NEK5: variants seen among roughly 807,000 people sequenced by gnomAD.
NEK5 encodes the protein serine/threonine-protein kinase Nek5.
A neutral mutation model predicts 109.2 loss-of-function variants in NEK5; 88 were observed. That is an observed-to-expected ratio of 0.81 (90% CI 0.68 to 0.96). The LOEUF (loss-of-function observed/expected upper bound fraction) is 0.96. Among genes scored for constraint, NEK5 ranks in the 40% least tolerant of loss-of-function variants. The probability of loss-of-function intolerance (pLI) is 0.00; values close to 1 mark genes in which losing one functional copy is unlikely to be tolerated. For missense variants in NEK5, 834 were observed against 920.7 expected (o/e 0.91, Z 1.22); for synonymous variants, 283 against 299.9 (o/e 0.94, Z 0.58).
chr13:52,080,069 G>C (rs181559995), intron 17 of NEK5, among the ~76,000 whole-genome samples: 1,978 of 149,734 alleles, frequency 0.013, 25 homozygotes, highest in Non-Finnish European at 0.019. Context: ...CCCGGCAGCC[G>C]CCCGGTCTGA....
intron 17 of NEK5, among the ~76,000 whole-genome samples, chr13:52,082,597 T>C (rs1006289206): frequency 2.6e-5 from 4 of 152,222 alleles, no homozygotes; most frequent in Non-Finnish European, 5.9e-5. Context: ...TCTTGAGATT[T>C]ATTTGTTATT....
chr13:52,041,123 C>A (rs1454890970), intron 23 of NEK5, among the ~76,000 whole-genome samples: 1 of 151,944 alleles, frequency 6.6e-6, no homozygotes, highest in Non-Finnish European at 1.5e-5. Context: ...ACAAAATGAG[C>A]CCACAAACTA....
chr13:52,111,008 G>T (rs1197102341), intron 5 of NEK5, among the ~76,000 whole-genome samples: 1 of 152,076 alleles, frequency 6.6e-6, no homozygotes, highest in Non-Finnish European at 1.5e-5. Flanking sequence ...ACAAGGGTGG[G>T]GAGAGAAAGA....
At chr13:52,125,693 G>C (rs1018584919) in intron 3 of NEK5, among the ~76,000 whole-genome samples, 8 of 152,130 alleles carry the variant, frequency 5.3e-5, no homozygotes, top group Non-Finnish European at 7.3e-5. Flanking sequence ...CACTGAAGTG[G>C]GGCAGTTTAG....
At chr13:52,059,548 C>T (rs1236580487) in intron 22 of NEK5, among the ~76,000 whole-genome samples, 2 of 149,934 alleles carry the variant, frequency 1.3e-5, no homozygotes, top group African/African-American at 4.9e-5. Context: ...AGACTTGGAA[C>T]CAACCCAAAT....
At chr13:52,076,841 G>A (rs1313865126) in intron 17 of NEK5, among the ~76,000 whole-genome samples, 1 of 152,056 alleles carries the variant, frequency 6.6e-6, no homozygotes, top group Non-Finnish European at 1.5e-5. Context: ...ACTCCCCAGG[G>A]GCCAGAAACC....
chr13:52,041,774 GAA>G (rs1310832735), intron 23 of NEK5, among the ~76,000 whole-genome samples: 2 of 123,398 alleles, frequency 1.6e-5, no homozygotes, highest in Non-Finnish European at 3.5e-5. Context: ...AAGGAACAAA[GAA>G]GAGAATAAAA....
intron 21 of NEK5, among the ~76,000 whole-genome samples, chr13:52,064,288 G>A (rs1320888197): frequency 5.2e-5 from 7 of 133,436 alleles, no homozygotes; most frequent in Admixed American, 7.3e-5. Context: ...GCCTCTGCCC[G>A]GCCGCCCCTA....
chr13:52,107,181 A>G (rs1306717223), intron 8 of NEK5, among the ~76,000 whole-genome samples: 1 of 152,206 alleles, frequency 6.6e-6, no homozygotes, highest in Non-Finnish European at 1.5e-5. Flanking sequence ...TTCAGGTAAC[A>G]CTGCTCAGAG....
rs1256076889 is a variant in NEK5 at position 52,037,705 on chromosome 13, C to T, written c.2229-487G>A. Among the ~76,000 whole-genome samples, 14 of 152,190 alleles carry T rather than the reference C, an allele frequency of 9.2e-5. No homozygotes were observed. The East Asian group carries it at 1.9e-3, about 21-fold the overall frequency. ...TTGGGAGGCCGAGGCGGGCGGATCA[C>T]GAGGTCAGGAGATCGAGACCATCCT... On this transcript the variant is annotated intron_variant, in intron 23 of 23. Coordinates refer to ENST00000684899, the MANE Select transcript of NEK5 (RefSeq NM_001365552.1).
intron 8 of NEK5, among the ~76,000 whole-genome samples, chr13:52,107,010 C>G (rs2055955934): frequency 6.6e-6 from 1 of 152,100 alleles, no homozygotes; most frequent in South Asian, 2.1e-4. Context: ...CTACTTCATC[C>G]TCTTCAATCT....
chr13:52,125,922 A>AC lies in NEK5; in HGVS notation c.117+1443_117+1444insG, dbSNP rs1956056680. ...AAAAGAGACCTATATTGGGAAATAA[A>AC]TCATTATCCCTGGAAGCCAGTCATC... On this transcript the variant is annotated intron_variant, in intron 3 of 23. Coordinates refer to ENST00000684899, the MANE Select transcript of NEK5 (RefSeq NM_001365552.1). Among the ~76,000 whole-genome samples, 4 of 152,206 alleles carry AC rather than the reference A, an allele frequency of 2.6e-5. No individual in the cohort carries two copies. The South Asian group carries it at 8.3e-4, about 32-fold the overall frequency.
At chr13:52,077,103 T>C (rs566165338) in intron 17 of NEK5, among the ~76,000 whole-genome samples, 2 of 152,304 alleles carry the variant, frequency 1.3e-5, no homozygotes, top group East Asian at 3.9e-4. Context: ...CATATGCCAG[T>C]CTGGGGAGAG....
chr13:52,051,122 G>C (rs1270427316), intron 22 of NEK5, among the ~76,000 whole-genome samples: 1 of 151,140 alleles, frequency 6.6e-6, no homozygotes, highest in Non-Finnish European at 1.5e-5. Flanking sequence ...TAATATTTAG[G>C]CTATAAACGT....
At chr13:52,041,797 T>C (rs904447102) in intron 23 of NEK5, among the ~76,000 whole-genome samples, 41 of 145,554 alleles carry the variant, frequency 2.8e-4, no homozygotes, top group African/African-American at 9.9e-4. Context: ...AATATGAAAG[T>C]ACAATTAGGT....
rs777338044 is a variant in NEK5 at position 52,110,581 on chromosome 13, T to C, written c.313-4A>G. 5.0e-6 allele frequency: 8 copies of C among 1,597,218 alleles called. No homozygotes were observed. The Admixed American group carries it at 1.0e-4, about 20-fold the overall frequency. Reference sequence around the variant, plus strand: ...TCTGTACAAACCAACCGAGGATCTATAGAGAGAACACAAAACAAAGCCACT... The same window carrying C: ...TCTGTACAAACCAACCGAGGATCTACAGAGAGAACACAAAACAAAGCCACT... On this transcript the variant is annotated splice_polypyrimidine_tract_variant and splice_region_variant and intron_variant, in intron 5 of 23. Coordinates refer to ENST00000684899, the MANE Select transcript of NEK5 (RefSeq NM_001365552.1).
chr13:52,097,900 AGGTG>A (rs1955449996), intron 12 of NEK5, among the ~76,000 whole-genome samples: 12 of 152,116 alleles, frequency 7.9e-5, no homozygotes, highest in Non-Finnish European at 2.9e-5. Context: ...GCCTGGTGGA[AGGTG>A]ATTAGATTAT....
At chr13:52,065,680 AG>A in intron 20 of NEK5, 71 bp from the exon 21 acceptor site, 1 of 1,047,200 alleles carries the variant, frequency 9.5e-7, no homozygotes. Flanking sequence ...AACACTTCTT[AG>A]GAACTCAGAG....
intron 15 of NEK5, 147 bp from the exon 16 acceptor site, chr13:52,086,510 T>C (rs1444394722): frequency 4.7e-6 from 3 of 635,264 alleles, no homozygotes; most frequent in Non-Finnish European, 8.3e-6. Context: ...ATCTGCCTTA[T>C]GTTTTGGCTG....
Sources: allele counts gnomAD v4.1 joint callset (sites outside exome capture counted in the v4.1 genomes callset), GRCh38; gene constraint gnomAD v4.1.1; transcripts MANE v1.5; gene names NCBI Gene and HGNC (gene_info 2026-07-23, HGNC 2026-07-21).